STK32A: variants seen among roughly 807,000 people sequenced by gnomAD.
The protein encoded by STK32A is serine/threonine kinase 32A.
Under a neutral mutation model 53.2 loss-of-function variants are expected in STK32A, and 41 were observed. The observed-to-expected ratio is 0.77, with a 90% CI of 0.60 to 1.00. The LOEUF is 1.00. Among genes scored for constraint, STK32A ranks in the 50% least tolerant of loss-of-function variants. The probability of loss-of-function intolerance (pLI) is 0.00; values close to 1 mark genes in which losing one functional copy is unlikely to be tolerated. For synonymous variants in STK32A, 166 were observed against 162.8 expected, an observed-to-expected ratio of 1.02 and a Z score of -0.15; for missense variants, 458 against 485.8, an observed-to-expected ratio of 0.94 and a Z score of 0.54.
At chr5:147,333,989 A>T (rs1002375182) in intron 5 of STK32A, among the ~76,000 whole-genome samples, 3 of 152,310 alleles carry the variant, frequency 2.0e-5, no homozygotes, top group Non-Finnish European at 4.4e-5. Context: ...ATAAGAAAGC[A>T]GGAAAAATAT....
intron 2 of STK32A, among the ~76,000 whole-genome samples, chr5:147,250,227 C>G (rs1299293526): frequency 1.3e-5 from 2 of 151,942 alleles, no homozygotes; most frequent in African/African-American, 4.8e-5. Context: ...TGGAGGCATA[C>G]AGTGATTATG....
At chr5:147,284,532 C>T (rs1752225619) in intron 4 of STK32A, among the ~76,000 whole-genome samples, 1 of 151,978 alleles carries the variant, frequency 6.6e-6, no homozygotes, top group Non-Finnish European at 1.5e-5. Context: ...CCAGAAAGCT[C>T]CTAGAACTGA....
intron 5 of STK32A, among the ~76,000 whole-genome samples, chr5:147,336,414 T>C (rs1755126397): frequency 6.6e-6 from 1 of 151,564 alleles, no homozygotes; most frequent in Non-Finnish European, 1.5e-5. Flanking sequence ...AGGGCACTGC[T>C]CCTGGGCTTC....
intron 5 of STK32A, chr5:147,342,465 T>G (rs1755472768): frequency 6.5e-6 from 1 of 153,624 alleles, no homozygotes; most frequent in African/African-American, 2.4e-5. Context: ...CTGAGTGCAC[T>G]GGTGAGAGGA....
At chr5:147,314,507 C>A (rs7733503) in intron 4 of STK32A, among the ~76,000 whole-genome samples, 2,027 of 12,104 alleles carry the variant, frequency 0.17, 339 homozygotes, top group Middle Eastern at 0.62. Context: ...TCAAAAAAAA[C>A]AAAAAAAAAC....
At chr5:147,249,911 A>AAAAAAAAC (rs1310810187) in intron 2 of STK32A, among the ~76,000 whole-genome samples, 1 of 149,246 alleles carries the variant, frequency 6.7e-6, no homozygotes, top group Non-Finnish European at 1.5e-5. Context: ...TCTGTCTCAA[A>AAAAAAAAC]AAAAAAAAAA....
At chr5:147,325,964 C>G (rs1420360530) in intron 5 of STK32A, among the ~76,000 whole-genome samples, 2 of 152,162 alleles carry the variant, frequency 1.3e-5, no homozygotes, top group African/African-American at 4.8e-5. Context: ...CCTTTTCACT[C>G]TCTCTCCTTT....
chr5:147,394,158 AAAAC>A, the STK32A span: 1 of 1,608,644 alleles, frequency 6.2e-7, no homozygotes, highest in South Asian at 1.1e-5. Flanking sequence ...GGGGAAAAAA[AAAAC>A]AGAGTGGCGG....
intron 2 of STK32A, among the ~76,000 whole-genome samples, chr5:147,257,379 TAG>T (rs1376231320): frequency 2.0e-5 from 3 of 151,960 alleles, no homozygotes. Flanking sequence ...TTTTCTGAAA[TAG>T]AGAGGTGTCT....
intron 5 of STK32A, among the ~76,000 whole-genome samples, chr5:147,337,464 G>T (rs1225362557): frequency 6.6e-6 from 1 of 152,096 alleles, no homozygotes; most frequent in Non-Finnish European, 1.5e-5. Flanking sequence ...GGGTTGTTTT[G>T]GGGGTGGGGA....
intron 2 of STK32A, among the ~76,000 whole-genome samples, chr5:147,240,342 T>C (rs1753517023): frequency 6.6e-6 from 1 of 152,246 alleles, no homozygotes; most frequent in African/African-American, 2.4e-5. Context: ...AGGTGGCAGC[T>C]GTTTATAGGT....
intron 4 of STK32A, among the ~76,000 whole-genome samples, chr5:147,311,878 G>A (rs184611466): frequency 2.9e-4 from 44 of 151,894 alleles, no homozygotes; most frequent in African/African-American, 8.0e-4. Flanking sequence ...GATTACAAGC[G>A]TGAGTCATCT....
Position 147,384,674 on chromosome 5 carries a change from AC to A in STK32A, c.*693del. 2.4e-6 allele frequency: 1 copy of A among 415,190 alleles called. No homozygotes were observed. The highest frequency in any genetic ancestry group is 4.3e-6 in the Non-Finnish European group (1 of 234,708). 25.7% of individuals were successfully genotyped at this position (415,190 alleles called of 1,614,324 possible). ...AATTGGTAATAATGGGAGCATTTACACCACGGAAACTGGTAAATGCTCGTTT... is the reference window on the plus strand; with the variant it reads ...AATTGGTAATAATGGGAGCATTTACACACGGAAACTGGTAAATGCTCGTTT... On this transcript the variant is annotated 3_prime_UTR_variant, in exon 13 of 13. Transcript: ENST00000397936.
chr5:147,260,392 T>G (rs1413507049), intron 2 of STK32A, among the ~76,000 whole-genome samples: 1 of 151,810 alleles, frequency 6.6e-6, no homozygotes, highest in Admixed American at 6.6e-5. Flanking sequence ...TATGCTGCTG[T>G]TCTCCCCTCT....
intron 4 of STK32A, among the ~76,000 whole-genome samples, chr5:147,312,533 A>AC (rs1303083681): frequency 6.6e-6 from 1 of 152,244 alleles, no homozygotes; most frequent in African/African-American, 2.4e-5. Flanking sequence ...ATTCTGGATA[A>AC]ACACACAAAA....
intron 2 of STK32A, among the ~76,000 whole-genome samples, chr5:147,257,921 C>A (rs1490935123): frequency 6.6e-6 from 1 of 151,924 alleles, no homozygotes; most frequent in Non-Finnish European, 1.5e-5. Context: ...GTCCTTGGTG[C>A]CTTTTTACTG....
At chr5:147,342,734 GTC>G (rs1755491123) in intron 5 of STK32A, 1 of 437,862 alleles carries the variant, frequency 2.3e-6, no homozygotes, top group Non-Finnish European at 4.1e-6. Flanking sequence ...GAAGTTTAGA[GTC>G]TGAGTTTTTG....
chr5:147,383,526 C>A (rs17106606), intron 12 of STK32A, 21 bp downstream of exon 12: 2 of 1,554,480 alleles, frequency 1.3e-6, no homozygotes, highest in African/African-American at 1.4e-5. Context: ...CCTGGGAGAA[C>A]AACAGCCCCA....
chr5:147,240,939 C>T (rs1753545484), intron 2 of STK32A, among the ~76,000 whole-genome samples: 1 of 152,168 alleles, frequency 6.6e-6, no homozygotes, highest in South Asian at 2.1e-4. Context: ...AGAGGTTATG[C>T]CCACTTATTT....
Sources: allele counts gnomAD v4.1 joint callset (sites outside exome capture counted in the v4.1 genomes callset), GRCh38; gene constraint gnomAD v4.1.1; transcripts MANE v1.5; gene names NCBI Gene and HGNC (gene_info 2026-07-23, HGNC 2026-07-21).